Variants in PTPRN2 observed in about 807,000 individuals in gnomAD.
PTPRN2 encodes receptor-type tyrosine-protein phosphatase N2.
Under a neutral mutation model 118.8 loss-of-function variants are expected in PTPRN2, and 74 were observed. That is an observed-to-expected ratio of 0.62 (90% CI 0.52 to 0.76). The LOEUF is 0.76. Ranked by LOEUF, PTPRN2 falls within the 30% of genes least tolerant of loss-of-function variation. PTPRN2 has a pLI of 0.00. For missense variants in PTPRN2, 1,481 were observed against 1,394.4 expected (o/e 1.06, Z -0.99); for synonymous variants, 641 against 608.0 (o/e 1.05, Z -0.80).
intron 12 of PTPRN2, among the ~76,000 whole-genome samples, chr7:157,716,769 G>A (rs879116824): frequency 0.012 from 370 of 32,100 alleles, 1 homozygote; most frequent in East Asian, 0.028. Flanking sequence ...CAGACTCTGC[G>A]GGAACACTGC....
rs79106286 is a variant in PTPRN2, at chr7:158,518,597, T to C, written c.113-28812A>G. Among the ~76,000 whole-genome samples the C allele has an allele frequency of 6.1e-3, 926 of 152,066 alleles. 14 individuals are homozygous for C. Among genetic ancestry groups the C allele is most frequent in the African/African-American group, 0.021 (864 of 41,470 alleles). On this transcript the variant is annotated intron_variant, in intron 1 of 22. Coordinates refer to ENST00000389418, the MANE Select transcript of PTPRN2 (RefSeq NM_002847.5). ...ACAGATTACCAGGACGGCATGACCA[T>C]AGAGGAAGGACCCACTTGAGGAGGC... is the stretch of plus-strand genomic sequence containing the variant.
At chr7:158,443,326 G>A (rs1334560971) in intron 2 of PTPRN2, among the ~76,000 whole-genome samples, 2 of 152,352 alleles carry the variant, frequency 1.3e-5, no homozygotes, top group East Asian at 3.9e-4. Context: ...GCCACCTCTT[G>A]CCTGAGTTGC....
chr7:158,153,377 A>AAGCC (rs1239787132), intron 6 of PTPRN2, among the ~76,000 whole-genome samples: 1 of 152,164 alleles, frequency 6.6e-6, no homozygotes, highest in Non-Finnish European at 1.5e-5. Flanking sequence ...TGACTAACAC[A>AAGCC]AGCCACCTAT....
rs368523196 is a variant in PTPRN2, at chr7:158,550,896, G to A, written c.112+36662C>T. ...AGGCGGCCGTCGCGCTTCCCTTCACGCTTTCCTTCACCCCTCCACGGACAT... is the reference window on the plus strand; with the variant it reads ...AGGCGGCCGTCGCGCTTCCCTTCACACTTTCCTTCACCCCTCCACGGACAT... On this transcript the variant is annotated intron_variant, in intron 1 of 22. Coordinates refer to ENST00000389418, the MANE Select transcript of PTPRN2 (RefSeq NM_002847.5). 3.0e-4 allele frequency among the ~76,000 whole-genome samples: 45 copies of A among 152,222 alleles called. No homozygotes were observed. The East Asian group carries it at 3.7e-3, about 12-fold the overall frequency.
chr7:157,612,943 G>A (rs1203956871), intron 15 of PTPRN2, among the ~76,000 whole-genome samples: 1 of 152,076 alleles, frequency 6.6e-6, no homozygotes, highest in Non-Finnish European at 1.5e-5. Context: ...CCGCCTCCCC[G>A]CCCGGGTCTG....
intron 21 of PTPRN2, among the ~76,000 whole-genome samples, chr7:157,564,457 C>T (rs935211507): frequency 3.9e-5 from 6 of 152,216 alleles, no homozygotes; most frequent in African/African-American, 7.2e-5. Flanking sequence ...AAATTGAACA[C>T]TTTTGTGTAA....
Position 158,582,461 on chromosome 7 carries a change from G to A in PTPRN2, c.112+5097C>T, listed in dbSNP as rs138345688. Among the ~76,000 whole-genome samples the A allele has an allele frequency of 2.8e-3, 421 of 152,010 alleles. 3 individuals carry two copies. Among genetic ancestry groups the A allele is most frequent in the African/African-American group, 9.6e-3 (397 of 41,474 alleles). On this transcript the variant is annotated intron_variant, in intron 1 of 22. Coordinates refer to ENST00000389418, the MANE Select transcript of PTPRN2 (RefSeq NM_002847.5). ...CTGGTCGGGCACAGTGGCTATGCAC[G>A]TAATCCCAGCACTTTGAGAGGCCAA...
At chr7:157,781,873 G>A (rs1479441123) in intron 12 of PTPRN2, among the ~76,000 whole-genome samples, 1 of 152,250 alleles carries the variant, frequency 6.6e-6, no homozygotes, top group African/African-American at 2.4e-5. Context: ...GACTTTGGCA[G>A]CAGCTGTCAG....
intron 2 of PTPRN2, among the ~76,000 whole-genome samples, chr7:158,336,835 G>C (rs1359432593): frequency 1.1e-5 from 1 of 89,256 alleles, no homozygotes; most frequent in Non-Finnish European, 2.4e-5. Flanking sequence ...ACCTGCAGAC[G>C]TCACTCACCC....
intron 11 of PTPRN2, among the ~76,000 whole-genome samples, chr7:158,049,522 G>A (rs1247555881): frequency 6.6e-6 from 1 of 152,198 alleles, no homozygotes; most frequent in Non-Finnish European, 1.5e-5. Context: ...TGATCCTTGA[G>A]CTGAAGTTCC....
At chr7:158,333,630 G>T (rs1387351510) in intron 2 of PTPRN2, among the ~76,000 whole-genome samples, 5 of 150,986 alleles carry the variant, frequency 3.3e-5, no homozygotes, top group Non-Finnish European at 5.9e-5. Flanking sequence ...GACACCTACA[G>T]ACATCACTCA....
At chr7:158,152,494 TCA>T (rs1052792732) in intron 6 of PTPRN2, among the ~76,000 whole-genome samples, 1 of 152,132 alleles carries the variant, frequency 6.6e-6, no homozygotes, top group African/African-American at 2.4e-5. Context: ...CGTGGAGAGT[TCA>T]CAGTGATATG....
intron 9 of PTPRN2, among the ~76,000 whole-genome samples, chr7:158,125,016 G>T (rs893425221): frequency 6.6e-5 from 10 of 152,238 alleles, no homozygotes; most frequent in Non-Finnish European, 1.2e-4. Flanking sequence ...GAGGGGAGAA[G>T]GGGAGACAGC....
intron 12 of PTPRN2, among the ~76,000 whole-genome samples, chr7:157,851,068 C>A (rs943323402): frequency 6.6e-6 from 1 of 152,192 alleles, no homozygotes; most frequent in Non-Finnish European, 1.5e-5. Flanking sequence ...GGCCTTCTGT[C>A]CCATGGCCCC....
intron 2 of PTPRN2, among the ~76,000 whole-genome samples, chr7:158,331,118 C>G (rs1221530032): frequency 2.0e-5 from 3 of 148,212 alleles, no homozygotes; most frequent in East Asian, 2.1e-4. Context: ...CACACCCACA[C>G]TCTCACCATA....
chr7:158,045,546 G>C (rs1006015972), intron 11 of PTPRN2, among the ~76,000 whole-genome samples: 1 of 152,220 alleles, frequency 6.6e-6, no homozygotes, highest in Non-Finnish European at 1.5e-5. Context: ...CGTGGGCGCA[G>C]CTGGCACATT....
intron 2 of PTPRN2, among the ~76,000 whole-genome samples, chr7:158,436,122 G>A (rs904788844): frequency 1.3e-5 from 2 of 152,112 alleles, no homozygotes; most frequent in African/African-American, 4.8e-5. Flanking sequence ...AGTGTAACAC[G>A]CATTATCGCA....
intron 21 of PTPRN2, among the ~76,000 whole-genome samples, chr7:157,558,609 A>C (rs540931530): frequency 6.6e-6 from 1 of 152,342 alleles, no homozygotes; most frequent in East Asian, 1.9e-4. Context: ...CACCACTTGC[A>C]CCTTTTACCC....
chr7:158,129,135 C>T (rs1448372489), intron 9 of PTPRN2, among the ~76,000 whole-genome samples: 2 of 151,248 alleles, frequency 1.3e-5, no homozygotes, highest in Non-Finnish European at 2.9e-5. Flanking sequence ...CAGCACACCA[C>T]ACACTACACA....
Sources: allele counts gnomAD v4.1 joint callset (sites outside exome capture counted in the v4.1 genomes callset), GRCh38; gene constraint gnomAD v4.1.1; transcripts MANE v1.5; gene names NCBI Gene and HGNC (gene_info 2026-07-23, HGNC 2026-07-21).